Variants in CCDC124 observed in about 807,000 individuals in gnomAD.
CCDC124 encodes the protein coiled-coil domain containing 124.
A neutral mutation model predicts 19.8 loss-of-function variants in CCDC124; 9 were observed. That is an observed-to-expected ratio of 0.45 (90% CI 0.27 to 0.79). CCDC124 has a LOEUF of 0.79. Among genes scored for constraint, CCDC124 ranks in the 30% least tolerant of loss-of-function variants. The probability of loss-of-function intolerance (pLI) is 0.14; values close to 1 mark genes in which losing one functional copy is unlikely to be tolerated. For synonymous variants in CCDC124, 126 were observed against 131.3 expected, an observed-to-expected ratio of 0.96 and a Z score of 0.27; for missense variants, 285 against 319.0, an observed-to-expected ratio of 0.89 and a Z score of 0.81.
chr19:17,937,155 C>A (rs1435804765), intron 2 of CCDC124, among the ~76,000 whole-genome samples: 1 of 151,900 alleles, frequency 6.6e-6, no homozygotes, highest in South Asian at 2.1e-4. Flanking sequence ...GTGGCAGGCT[C>A]CTGTAATCCC....
chr19:17,943,657 T>A lies in CCDC124; in HGVS notation c.614T>A (p.Leu205His). ...AAACAGCTGCTCAAGAAGGAGTGGC[T>A]CCGCTCTCCTGACAACCCCATGAAC... The part of the protein sequence containing the change: ...QLKQLLKKEW[L>H]RSPDNPMNQR... The change falls in exon 5 of 5, where the codon CTC becomes CAC. Residue 205 changes from leucine to histidine, a missense_variant. Leu to His is a moderately conservative substitution (Grantham distance 99). Transcript: ENST00000445755. The A allele has an allele frequency of 2.5e-6, 4 of 1,612,834 alleles. No homozygotes were observed. The highest frequency in any genetic ancestry group is 3.4e-6 in the Non-Finnish European group (4 of 1,179,942).
intron 2 of CCDC124, among the ~76,000 whole-genome samples, chr19:17,937,517 T>C (rs1386444503): frequency 6.6e-6 from 1 of 151,988 alleles, no homozygotes; most frequent in Non-Finnish European, 1.5e-5. Flanking sequence ...CACCTGGAGA[T>C]GTGTTTGGTT....
intron 2 of CCDC124, among the ~76,000 whole-genome samples, chr19:17,937,165 C>A (rs2031084941): frequency 6.6e-6 from 1 of 151,976 alleles, no homozygotes; most frequent in South Asian, 2.1e-4. Flanking sequence ...CCTGTAATCC[C>A]AGCTACTCGG....
Position 17,942,161 on chromosome 19 carries a change from GC to G in CCDC124, c.160-491del, listed in dbSNP as rs964684959. ...GTGCTGCCCGACTCATAAGGGCAGA[GC>G]CCCTGCCCTAGCCTGAAACGGGTCC... On this transcript the variant is annotated intron_variant, in intron 2 of 4. Transcript: ENST00000445755. This position sits in a 1 kb window ranked among gnomAD's most constrained non-coding sequence, Gnocchi z 4.2. Among the ~76,000 whole-genome samples the G allele has an allele frequency of 1.3e-5, 2 of 152,134 alleles. No homozygotes were observed. Among genetic ancestry groups the G allele is most frequent in the African/African-American group, 4.8e-5 (2 of 41,416 alleles).
rs778429795 is a variant in CCDC124 at position 17,943,396 on chromosome 19, G to C, written c.464+21G>C. 27 of 1,556,890 alleles carry C rather than the reference G, an allele frequency of 1.7e-5. No individual in the cohort carries two copies. The South Asian group carries it at 2.2e-4, about 13-fold the overall frequency. On this transcript the variant is annotated intron_variant, in intron 4 of 4. Transcript: ENST00000445755. ...CTCAGGTAACGGGGCGGGGCCTGGG[G>C]CTTTCCCAGGGGTGGAGCTGGTCAT...
intron 1 of CCDC124, chr19:17,936,138 C>T (rs991733033): frequency 4.8e-5 from 15 of 309,320 alleles, no homozygotes; most frequent in Non-Finnish European, 8.3e-5. Flanking sequence ...CTTCTGACCG[C>T]AAGTGATCCG....
At chr19:17,938,279 G>T (rs1029542564) in intron 2 of CCDC124, among the ~76,000 whole-genome samples, 5 of 152,202 alleles carry the variant, frequency 3.3e-5, no homozygotes, top group Non-Finnish European at 4.4e-5. Flanking sequence ...GTTCAGGGCT[G>T]CAGTAAGCTA....
Position 17,943,241 on chromosome 19 carries a change from T to TCTGGGGCCCC in CCDC124, c.350-19_350-18insTGGGGCCCCC. 1.4e-6 allele frequency: 1 copy of TCTGGGGCCCC among 736,676 alleles called. No homozygotes were observed. The highest frequency in any genetic ancestry group is 1.5e-5 in the South Asian group (1 of 68,030). The allele number at this position is 736,676 out of a possible 1,614,324, so 45.6% of individuals were successfully genotyped here. ...CTTTGCTTATCTCTCTCTGTCTCTG[T>TCTGGGGCCCC]CACCCACCCACCCGCCCAGCCGAGA... On this transcript the variant is annotated intron_variant, in intron 3 of 4. Coordinates refer to ENST00000445755, the MANE Select transcript of CCDC124 (RefSeq NM_001136203.2).
In CCDC124 at chr19:17,942,034, G is replaced by A. The variant is rs2031194842; in HGVS notation, c.160-622G>A. On this transcript the variant is annotated intron_variant, in intron 2 of 4. Coordinates refer to ENST00000445755, the MANE Select transcript of CCDC124 (RefSeq NM_001136203.2). This position sits in a 1 kb window ranked among gnomAD's most constrained non-coding sequence, Gnocchi z 4.2. ...GCAGGCCAGGGCAAGGGCAAGTCCC[G>A]TAGCCCAGATGTCCCTCATCCAGCC... 1.3e-5 allele frequency among the ~76,000 whole-genome samples: 2 copies of A among 152,146 alleles called. No homozygotes were observed. The highest frequency in any genetic ancestry group is 6.5e-5 in the Admixed American group (1 of 15,268).
At chr19:17,940,489 G>A (rs1294509439) in intron 2 of CCDC124, among the ~76,000 whole-genome samples, 1 of 152,110 alleles carries the variant, frequency 6.6e-6, no homozygotes, top group African/African-American at 2.4e-5. Flanking sequence ...CAAAGGGGCC[G>A]GGCATGGTGG....
chr19:17,938,778 G>T (rs1352822939), intron 2 of CCDC124, among the ~76,000 whole-genome samples: 1 of 151,920 alleles, frequency 6.6e-6, no homozygotes, highest in African/African-American at 2.4e-5. Context: ...TTTGTGTAGG[G>T]GGTGGGGGTC....
intron 2 of CCDC124, among the ~76,000 whole-genome samples, chr19:17,937,281 G>A (rs1271654891): frequency 3.9e-5 from 6 of 152,068 alleles, no homozygotes; most frequent in East Asian, 1.9e-4. Flanking sequence ...ACACTGTCTC[G>A]GAAAACAAAA....
Position 17,943,241 on chromosome 19 carries a change from T to TCGGGGGGGCGCC in CCDC124, c.350-19_350-18insGGGGGGGCGCCC. The TCGGGGGGGCGCC allele has an allele frequency of 1.4e-6, 1 of 736,678 alleles. No homozygotes were observed. The highest frequency in any genetic ancestry group is 2.4e-6 in the Non-Finnish European group (1 of 414,970). 45.6% of individuals were successfully genotyped at this position (736,678 alleles called of 1,614,324 possible). A position where few individuals can be genotyped will look rare whatever the true frequency, so the allele number is the denominator to read the frequency against. ...CTTTGCTTATCTCTCTCTGTCTCTGTCACCCACCCACCCGCCCAGCCGAGA... is the reference window on the plus strand; with the variant it reads ...CTTTGCTTATCTCTCTCTGTCTCTGTCGGGGGGGCGCCCACCCACCCACCCGCCCAGCCGAGA... On this transcript the variant is annotated intron_variant, in intron 3 of 4. Transcript: ENST00000445755.
In CCDC124 at chr19:17,943,958, A is replaced by C; in HGVS notation, c.*243A>C. On this transcript the variant is annotated 3_prime_UTR_variant, in exon 5 of 5. Transcript: ENST00000445755. The stretch of plus-strand genomic sequence containing the variant: ...GAGCCTCAGGGCTGAGTGCCCAATA[A>C]AGGTGGCGGCAAGGCTGCGGTGAGG... 16 of 536,372 alleles carry C rather than the reference A, an allele frequency of 3.0e-5. No homozygotes were observed. The highest frequency in any genetic ancestry group is 6.2e-5 in the East Asian group (2 of 32,156). 33.2% of individuals were successfully genotyped at this position (536,372 alleles called of 1,614,324 possible).
At position 17,938,818 on chromosome 19, in the gene CCDC124, A is replaced by G. The variant is rs2031115684; in HGVS notation, c.159+2239A>G. Among the ~76,000 whole-genome samples, 7 of 151,870 alleles carry G rather than the reference A, an allele frequency of 4.6e-5. No homozygotes were observed. The South Asian group carries it at 1.5e-3, about 32-fold the overall frequency. ...CACTGTGTTGCCCAAGTTGGTCTCA[A>G]ACTCCTGGGCTCAAACAGTCCTCCC... is the stretch of plus-strand genomic sequence containing the variant. On this transcript the variant is annotated intron_variant, in intron 2 of 4. Coordinates refer to ENST00000445755, the MANE Select transcript of CCDC124 (RefSeq NM_001136203.2).
chr19:17,938,035 G>C (rs979716331), intron 2 of CCDC124, among the ~76,000 whole-genome samples: 1 of 152,082 alleles, frequency 6.6e-6, no homozygotes, highest in African/African-American at 2.4e-5. Context: ...GCCCGGCCCA[G>C]GTGTTTATTT....
At chr19:17,939,606 G>A (rs1252675045) in intron 2 of CCDC124, among the ~76,000 whole-genome samples, 1 of 151,796 alleles carries the variant, frequency 6.6e-6, no homozygotes, top group Non-Finnish European at 1.5e-5. Context: ...AGCCAGACTG[G>A]CACCTTCTCC....
In CCDC124 at chr19:17,942,507, C is replaced by G; in HGVS notation, c.160-149C>G. 1.1e-6 allele frequency: 1 copy of G among 872,954 alleles called. No individual in the cohort carries two copies. The highest frequency in any genetic ancestry group is 1.7e-6 in the Non-Finnish European group (1 of 574,332). The allele number at this position is 872,954 out of a possible 1,614,324, so 54.1% of individuals were successfully genotyped here. On this transcript the variant is annotated intron_variant, in intron 2 of 4. Coordinates refer to ENST00000445755, the MANE Select transcript of CCDC124 (RefSeq NM_001136203.2). The surrounding 1 kb of genome is among the most constrained non-coding windows in gnomAD (Gnocchi z 4.2). ...GCCTCACATCCCCCGCCCAGGGCAG[C>G]ACCGGGACCTATCTTGTTCCTGGTA...
chr19:17,942,516 CTA>C lies in CCDC124; in HGVS notation c.160-138_160-137del. On this transcript the variant is annotated intron_variant, in intron 2 of 4. Transcript: ENST00000445755. This position sits in a 1 kb window ranked among gnomAD's most constrained non-coding sequence, Gnocchi z 4.2. ...CCCCCGCCCAGGGCAGCACCGGGAC[CTA>C]TCTTGTTCCTGGTATGTCCCCTGCA... The C allele has an allele frequency of 2.1e-6, 2 of 941,612 alleles. No individual in the cohort carries two copies. Among genetic ancestry groups the C allele is most frequent in the Middle Eastern group, 3.4e-4 (1 of 2,932 alleles). 58.3% of individuals were successfully genotyped at this position (941,612 alleles called of 1,614,324 possible).
Sources: allele counts gnomAD v4.1 joint callset (sites outside exome capture counted in the v4.1 genomes callset), GRCh38; gene constraint gnomAD v4.1.1; non-coding constraint Gnocchi (gnomAD v3.1); transcripts MANE v1.5; gene names NCBI Gene and HGNC (gene_info 2026-07-23, HGNC 2026-07-21).